SOBP: variants seen among roughly 807,000 people sequenced by gnomAD.
The protein encoded by SOBP is sine oculis-binding protein homolog.
In SOBP, 4 loss-of-function variants were observed where a neutral mutation model predicts 53.6. That is an observed-to-expected ratio of 0.07 (90% CI 0.04 to 0.17). SOBP has a LOEUF of 0.17. Ranked by LOEUF, SOBP falls within the 10% of genes least tolerant of loss-of-function variation. The pLI is 1.00. For synonymous variants in SOBP, 584 were observed against 522.6 expected (o/e 1.12, Z -1.60); for missense variants, 1,088 against 1,204.7 (o/e 0.90, Z 1.43).
At chr6:107,500,365 G>A (rs1233078866) in intron 1 of SOBP, among the ~76,000 whole-genome samples, 21 of 146,858 alleles carry the variant, frequency 1.4e-4, no homozygotes, top group Admixed American at 1.4e-3. Flanking sequence ...GGCCCACAGA[G>A]TGAGACCCTG....
intron 3 of SOBP, among the ~76,000 whole-genome samples, chr6:107,518,543 GTA>G (rs1245193850): frequency 2.6e-5 from 4 of 152,166 alleles, no homozygotes; most frequent in Admixed American, 6.5e-5. Flanking sequence ...ACACAAATGT[GTA>G]TATATGTGAG....
At chr6:107,520,693 G>A (rs1183819511) in intron 3 of SOBP, among the ~76,000 whole-genome samples, 2 of 152,188 alleles carry the variant, frequency 1.3e-5, no homozygotes, top group Non-Finnish European at 2.9e-5. Flanking sequence ...CGTGTTTCTG[G>A]CATTTCTTGT....
intron 1 of SOBP, among the ~76,000 whole-genome samples, chr6:107,491,513 C>A (rs375468570): frequency 6.6e-6 from 1 of 152,350 alleles, no homozygotes; most frequent in East Asian, 1.9e-4. Flanking sequence ...AGCAGCCTGG[C>A]GCTCCAGCTG....
At chr6:107,532,849 C>T (rs1036107739) in intron 3 of SOBP, among the ~76,000 whole-genome samples, 4 of 152,192 alleles carry the variant, frequency 2.6e-5, no homozygotes, top group African/African-American at 7.2e-5. Context: ...GTCTGTTCAG[C>T]GAGCCAGGCT....
chr6:107,578,725 T>C (rs1271324606), intron 4 of SOBP, among the ~76,000 whole-genome samples: 1 of 152,226 alleles, frequency 6.6e-6, no homozygotes, highest in African/African-American at 2.4e-5. Context: ...TTATTATTAA[T>C]CCCGGATAAT....
At position 107,585,111 on chromosome 6, in the gene SOBP, T is replaced by C. The variant is rs190758250; in HGVS notation, c.574-1969T>C. On this transcript the variant is annotated intron_variant, in intron 4 of 6. Transcript: ENST00000317357. ...CTACCAAGTTTAGCATATTTTGAGG[T>C]GGCATTTTCTACAGAGTTGTTTATG... Among the ~76,000 whole-genome samples the C allele has an allele frequency of 2.0e-4, 30 of 152,304 alleles. No homozygotes were observed. In the East Asian group the frequency reaches 5.0e-3, roughly 25 times the overall value.
chr6:107,539,804 G>A (rs1784102617), intron 4 of SOBP, among the ~76,000 whole-genome samples: 1 of 152,194 alleles, frequency 6.6e-6, no homozygotes, highest in South Asian at 2.1e-4. Context: ...CACTAACAGT[G>A]TTCAGCTTTA....
At chr6:107,610,825 T>C (rs371027066) in intron 5 of SOBP, among the ~76,000 whole-genome samples, 35 of 143,810 alleles carry the variant, frequency 2.4e-4, no homozygotes, top group Middle Eastern at 3.7e-3. Context: ...CACACACACA[T>C]ACACACACCA....
intron 3 of SOBP, among the ~76,000 whole-genome samples, chr6:107,521,994 A>T (rs546053635): frequency 6.6e-6 from 1 of 151,590 alleles, no homozygotes; most frequent in East Asian, 1.9e-4. Context: ...CCAAGTCCAG[A>T]GTGCTGTCGG....
chr6:107,541,818 A>G (rs1032989224), intron 4 of SOBP, among the ~76,000 whole-genome samples: 15 of 152,206 alleles, frequency 9.9e-5, no homozygotes, highest in African/African-American at 2.9e-4. Flanking sequence ...GTAGGATTGT[A>G]TGTTTCATAA....
In SOBP at chr6:107,634,891, A is replaced by G. The variant is rs9486659; in HGVS notation, c.2047A>G (p.Ser683Gly). The G allele has an allele frequency of 0.99, 1,296,525 of 1,312,578 alleles. 640,415 individuals carry two copies. The highest frequency in any genetic ancestry group is 1 in the East Asian group (27,182 of 27,184). 81.3% of individuals were successfully genotyped at this position (1,312,578 alleles called of 1,614,324 possible). ...GCACGTCAAGGCGGAGCGCGAGCCG[A>G]GCGCCGCGGAGCGCAGGACCTGCGG... Reference protein sequence around the residue: ...HAHVKAEREPSAAERRTCGGC... With the variant: ...HAHVKAEREPGAAERRTCGGC... Residue 683 changes from serine (S) to glycine (G), a missense_variant, in exon 6 of 7, where the codon AGC (serine) becomes GGC (glycine). By Grantham distance (56) the Ser-to-Gly change is moderately conservative (BLOSUM62 0). Coordinates refer to ENST00000317357, the MANE Select transcript of SOBP (RefSeq NM_018013.4). The surrounding 1 kb of genome is among the most constrained non-coding windows in gnomAD (Gnocchi z 4.5).
chr6:107,570,846 T>C (rs1265577386), intron 4 of SOBP, among the ~76,000 whole-genome samples: 1 of 152,282 alleles, frequency 6.6e-6, no homozygotes, highest in Non-Finnish European at 1.5e-5. Context: ...TCCTTGACTT[T>C]ATTTGAATTA....
At chr6:107,601,276 G>A (rs565538674) in intron 5 of SOBP, among the ~76,000 whole-genome samples, 4 of 152,292 alleles carry the variant, frequency 2.6e-5, no homozygotes, top group East Asian at 3.9e-4. Flanking sequence ...CTGTGGCCCC[G>A]TCCCTAAACT....
intron 6 of SOBP, among the ~76,000 whole-genome samples, chr6:107,638,782 T>C (rs1771177639): frequency 6.6e-6 from 1 of 152,262 alleles, no homozygotes; most frequent in Middle Eastern, 3.4e-3. Context: ...ATATATTATT[T>C]CTCATATATA....
chr6:107,652,727 G>T (rs1771855591), intron 6 of SOBP, among the ~76,000 whole-genome samples: 1 of 152,156 alleles, frequency 6.6e-6, no homozygotes, highest in African/African-American at 2.4e-5. Context: ...CTTATTTTAA[G>T]AAATTGCCAC....
At chr6:107,505,945 C>T (rs1394902135) in intron 2 of SOBP, among the ~76,000 whole-genome samples, 1 of 152,096 alleles carries the variant, frequency 6.6e-6, no homozygotes, top group Non-Finnish European at 1.5e-5. Flanking sequence ...GCCACCTTGC[C>T]CAGCCACCAC....
chr6:107,573,132 C>T (rs1256518623), intron 4 of SOBP, among the ~76,000 whole-genome samples: 5 of 152,098 alleles, frequency 3.3e-5, no homozygotes. Context: ...TAGAAGTGGT[C>T]GTTAAGTACT....
intron 4 of SOBP, among the ~76,000 whole-genome samples, chr6:107,542,814 C>A (rs1041657665): frequency 5.3e-5 from 8 of 151,464 alleles, no homozygotes; most frequent in African/African-American, 1.9e-4. Context: ...GGGAGGGATG[C>A]TGTTGGGTAA....
intron 3 of SOBP, 95 bp from the exon 4 acceptor site, chr6:107,533,363 AT>A: frequency 2.2e-6 from 3 of 1,352,230 alleles, no homozygotes; most frequent in Non-Finnish European, 3.2e-6. Context: ...AGAAACTAAA[AT>A]CAGGCCCAGG....
Sources: allele counts gnomAD v4.1 joint callset (sites outside exome capture counted in the v4.1 genomes callset), GRCh38; gene constraint gnomAD v4.1.1; non-coding constraint Gnocchi (gnomAD v3.1); transcripts MANE v1.5; gene names NCBI Gene and HGNC (gene_info 2026-07-23, HGNC 2026-07-21).